Variants in SEMA3E observed in about 807,000 individuals in gnomAD.
SEMA3E encodes the protein semaphorin 3E.
SEMA3E carries 49 observed loss-of-function variants against 93.6 expected under a neutral mutation model. The ratio of observed to expected loss-of-function variants is 0.52; its 90% CI spans 0.42 to 0.66. SEMA3E has a LOEUF of 0.66. SEMA3E is among the 30% of genes least tolerant of loss of function. SEMA3E has a pLI of 0.00. For missense variants in SEMA3E, 906 were observed against 964.8 expected, an observed-to-expected ratio of 0.94 and a Z score of 0.81; for synonymous variants, 363 against 330.7, an observed-to-expected ratio of 1.10 and a Z score of -1.06.
chr7:83,514,016 T>C (rs1197098604), intron 1 of SEMA3E, among the ~76,000 whole-genome samples: 13 of 152,066 alleles, frequency 8.5e-5, no homozygotes. Flanking sequence ...ACCTTGCTGA[T>C]AAAACAGATT....
intron 1 of SEMA3E, among the ~76,000 whole-genome samples, chr7:83,630,025 C>T (rs919144292): frequency 6.6e-6 from 1 of 152,122 alleles, no homozygotes; most frequent in Non-Finnish European, 1.5e-5. Context: ...TCATGGCTTC[C>T]TTTGGCTAGG....
At chr7:83,540,719 T>A (rs1181041348) in intron 1 of SEMA3E, among the ~76,000 whole-genome samples, 1 of 152,218 alleles carries the variant, frequency 6.6e-6, no homozygotes, top group Non-Finnish European at 1.5e-5. Context: ...AGAACTGCTG[T>A]GTATGTATCT....
At chr7:83,437,405 GAC>G (rs1441980337) in intron 4 of SEMA3E, among the ~76,000 whole-genome samples, 2 of 151,642 alleles carry the variant, frequency 1.3e-5, no homozygotes. Flanking sequence ...AATAAAATAA[GAC>G]ACAAAATCCA....
chr7:83,511,292 T>G (rs1323200198), intron 1 of SEMA3E, among the ~76,000 whole-genome samples: 1 of 151,716 alleles, frequency 6.6e-6, no homozygotes, highest in Admixed American at 6.6e-5. Flanking sequence ...TATGTTTTTT[T>G]TTTTTTTTAA....
In SEMA3E at chr7:83,635,402, A is replaced by G. The variant is rs375827987; in HGVS notation, c.115+13026T>C. On this transcript the variant is annotated intron_variant, in intron 1 of 16. Transcript: ENST00000643230. The stretch of plus-strand genomic sequence containing the variant: ...AGATTATCTTTAGTTTCTAAAAATA[A>G]AATAATCCAGTGCTTCCCATTTCTA... Among the ~76,000 whole-genome samples, 7 of 151,952 alleles carry G rather than the reference A, an allele frequency of 4.6e-5. No homozygotes were observed. The East Asian group carries it at 1.2e-3, about 25-fold the overall frequency.
chr7:83,366,155 T>TTTGAAAACTGAAATAAACA lies in SEMA3E; in HGVS notation c.*1412_*1430dup, dbSNP rs1794663478. 6.6e-6 allele frequency: 1 copy of TTTGAAAACTGAAATAAACA among 152,112 alleles called. No homozygotes were observed. The highest frequency in any genetic ancestry group is 2.4e-5 in the African/African-American group (1 of 41,460). The allele number at this position is 152,112 out of a possible 1,614,324, so 9.4% of individuals were successfully genotyped here. A position where few individuals can be genotyped will look rare whatever the true frequency, so the allele number is the denominator to read the frequency against. On this transcript the variant is annotated 3_prime_UTR_variant, in exon 17 of 17. Transcript: ENST00000643230. Reference sequence around the variant, plus strand: ...TTAAATGTATAACCTATAAGCTAACTTTGAAAACTGAAATAAACACTGTTT... The same window carrying TTTGAAAACTGAAATAAACA: ...TTAAATGTATAACCTATAAGCTAACTTTGAAAACTGAAATAAACATTGAAAACTGAAATAAACACTGTTT...
chr7:83,647,546 G>T (rs900962850), intron 1 of SEMA3E, among the ~76,000 whole-genome samples: 1 of 152,094 alleles, frequency 6.6e-6, no homozygotes, highest in African/African-American at 2.4e-5. Context: ...CTTTCTCTGA[G>T]CATGGTTTTG....
chr7:83,459,921 C>T (rs1370421429), intron 4 of SEMA3E, among the ~76,000 whole-genome samples: 1 of 152,184 alleles, frequency 6.6e-6, no homozygotes, highest in Non-Finnish European at 1.5e-5. Context: ...TTGCGACCCC[C>T]ACTCCTGCCC....
chr7:83,516,945 T>TTATATATATATATATATATATATATA (rs369210004), intron 1 of SEMA3E, among the ~76,000 whole-genome samples: 1 of 148,550 alleles, frequency 6.7e-6, no homozygotes, highest in Admixed American at 6.7e-5. Context: ...TAGCATATAT[T>TTATATATATATATATATATATATATA]TATATATATA....
chr7:83,642,079 A>G (rs968149607), intron 1 of SEMA3E, among the ~76,000 whole-genome samples: 1 of 152,178 alleles, frequency 6.6e-6, no homozygotes, highest in East Asian at 1.9e-4. Flanking sequence ...GTGTTTTCTA[A>G]TACCTGGGCT....
chr7:83,489,564 T>C (rs550754337), intron 2 of SEMA3E, among the ~76,000 whole-genome samples: 6 of 152,140 alleles, frequency 3.9e-5, no homozygotes, highest in Non-Finnish European at 7.4e-5. Context: ...AAAATTTGGC[T>C]CAATTATTTG....
chr7:83,405,770 T>C (rs1788317254), intron 8 of SEMA3E, among the ~76,000 whole-genome samples, 175 bp downstream of exon 8: 1 of 152,050 alleles, frequency 6.6e-6, no homozygotes, highest in Admixed American at 6.6e-5. Context: ...TTTTTGTTCT[T>C]GCAATCCCTT....
At chr7:83,601,926 A>G (rs1459963509) in intron 1 of SEMA3E, among the ~76,000 whole-genome samples, 1 of 152,218 alleles carries the variant, frequency 6.6e-6, no homozygotes, top group Non-Finnish European at 1.5e-5. Context: ...TTGACATAAA[A>G]CATACCCTGA....
chr7:83,539,998 A>G (rs903945970), intron 1 of SEMA3E, among the ~76,000 whole-genome samples: 1 of 151,806 alleles, frequency 6.6e-6, no homozygotes, highest in Admixed American at 6.6e-5. Flanking sequence ...CTCCTGCCTC[A>G]GTCTCCCAAG....
At chr7:83,501,695 A>G (rs1473217887) in intron 1 of SEMA3E, among the ~76,000 whole-genome samples, 4 of 152,206 alleles carry the variant, frequency 2.6e-5, no homozygotes, top group South Asian at 2.1e-4. Flanking sequence ...GATCATTTTA[A>G]TGACAGGTCT....
chr7:83,463,698 A>G (rs1266882351), intron 4 of SEMA3E, among the ~76,000 whole-genome samples: 14 of 150,832 alleles, frequency 9.3e-5, no homozygotes, highest in Admixed American at 2.0e-4. Flanking sequence ...GGCAGGTTAT[A>G]CTATAGTACA....
chr7:83,493,617 C>G (rs760417958), intron 1 of SEMA3E, among the ~76,000 whole-genome samples: 46 of 151,854 alleles, frequency 3.0e-4, no homozygotes, highest in Non-Finnish European at 5.9e-4. Context: ...AAGAAAAATG[C>G]ATTGAATGCT....
intron 1 of SEMA3E, among the ~76,000 whole-genome samples, chr7:83,580,483 C>T (rs1391065): frequency 0.11 from 16,124 of 151,860 alleles, 924 homozygotes; most frequent in East Asian, 0.19. Flanking sequence ...GCATCCCTAC[C>T]TCTTTACTTT....
intron 4 of SEMA3E, among the ~76,000 whole-genome samples, chr7:83,447,959 T>G: frequency 6.6e-6 from 1 of 152,238 alleles, no homozygotes; most frequent in East Asian, 1.9e-4. Context: ...TCCAGCTGTT[T>G]AATCCACACA....
Sources: gnomAD v4.1 joint callset for allele counts (sites outside exome capture counted in the v4.1 genomes callset) on GRCh38, gnomAD v4.1.1 for gene constraint, MANE v1.5 for transcripts, NCBI Gene and HGNC (gene_info 2026-07-23, HGNC 2026-07-21) for gene names.